Variants in CEP85 observed in about 807,000 individuals in gnomAD.
CEP85 encodes centrosomal protein 85.
Under a neutral mutation model 93.7 loss-of-function variants are expected in CEP85, and 58 were observed. The ratio of observed to expected loss-of-function variants is 0.62; its 90% CI spans 0.50 to 0.77. The LOEUF (loss-of-function observed/expected upper bound fraction) is 0.77, where lower values mean the gene tolerates loss of function less well. Ranked by LOEUF, CEP85 falls within the 30% of genes least tolerant of loss-of-function variation. The pLI is 0.00. For synonymous variants in CEP85, 314 were observed against 338.6 expected (o/e 0.93, Z 0.80); for missense variants, 868 against 922.0 (o/e 0.94, Z 0.76).
rs778848279 is a variant in CEP85, at chr1:26,277,195, G to A, written c.2188G>A (p.Glu730Lys). Residue 730 changes from glutamate (E) to lysine (K), a missense_variant, in exon 14 of 14, where the codon GAA becomes AAA. Glu to Lys is a moderately conservative substitution (Grantham distance 56). Coordinates refer to ENST00000451429, the MANE Select transcript of CEP85 (RefSeq NM_001319944.2). ...QKPDVIKRKLEEVQQLRRDIE... is the reference protein window; with the variant it reads ...QKPDVIKRKLKEVQQLRRDIE... ...GCCAGATGTGATCAAGAGGAAACTA[G>A]AAGAGGTTCAACAGCTGCGTCGTGA... 1 of 1,614,184 alleles carries A rather than the reference G, an allele frequency of 6.2e-7. No homozygotes were observed. The highest frequency in any genetic ancestry group is 1.1e-5 in the South Asian group (1 of 91,082).
intron 1 of CEP85, among the ~76,000 whole-genome samples, 159 bp downstream of exon 1, chr1:26,234,469 C>T (rs567454732): frequency 6.6e-6 from 1 of 152,230 alleles, no homozygotes; most frequent in South Asian, 2.1e-4. Flanking sequence ...CCCCGGCATA[C>T]GCCCTCTCGC....
chr1:26,274,333 C>T (rs887282703), intron 11 of CEP85, among the ~76,000 whole-genome samples: 4 of 152,180 alleles, frequency 2.6e-5, no homozygotes, highest in Non-Finnish European at 5.9e-5. Flanking sequence ...GTTTGGTGTT[C>T]TTCTCAATGC....
At chr1:26,253,291 A>G (rs893169043) in intron 3 of CEP85, among the ~76,000 whole-genome samples, 2 of 151,724 alleles carry the variant, frequency 1.3e-5, no homozygotes, top group Non-Finnish European at 1.5e-5. Context: ...GAGGAGCTAC[A>G]TACTCCATTG....
At chr1:26,274,149 A>T (rs548714323) in intron 11 of CEP85, among the ~76,000 whole-genome samples, 1 of 152,108 alleles carries the variant, frequency 6.6e-6, no homozygotes, top group Admixed American at 6.6e-5. Flanking sequence ...AAGCTTAAAT[A>T]TCTCCCTTCC....
At chr1:26,248,176 G>A (rs1317925761) in intron 3 of CEP85, among the ~76,000 whole-genome samples, 1 of 149,312 alleles carries the variant, frequency 6.7e-6, no homozygotes, top group Non-Finnish European at 1.5e-5. Context: ...TCCTGACTGT[G>A]TAATATTCTA....
In CEP85 at chr1:26,260,907, C is replaced by T. The variant is rs550962851; in HGVS notation, c.1341+1105C>T. 4.0e-5 allele frequency among the ~76,000 whole-genome samples: 6 copies of T among 151,822 alleles called. No homozygotes were observed. The East Asian group carries it at 9.8e-4, about 25-fold the overall frequency. ...CTGGGTTCAAGCGATTCTCCTGCTT[C>T]AGCCTCCCAAGTAGTTGGGATTACA... On this transcript the variant is annotated intron_variant, in intron 7 of 13. Coordinates refer to ENST00000451429, the MANE Select transcript of CEP85 (RefSeq NM_001319944.2).
chr1:26,258,204 A>G lies in CEP85; in HGVS notation c.1099A>G (p.Ser367Gly), dbSNP rs151062684. ...KVRESELQVH[S>G]ALLGRPAPFG... ...GCGAGAGAGCGAACTGCAAGTCCAC[A>G]GTGCCCTCTTGGGCCGCCCTGCCCC... The change falls in exon 6 of 14, where the codon AGT becomes GGT. Residue 367 changes from serine to glycine, a missense_variant. Transcript: ENST00000451429. 7.4e-6 allele frequency: 12 copies of G among 1,614,076 alleles called. No individual in the cohort carries two copies. Among genetic ancestry groups the G allele is most frequent in the African/African-American group, 6.7e-5 (5 of 74,924 alleles).
intron 10 of CEP85, 122 bp downstream of exon 10, chr1:26,271,229 T>G: frequency 1.7e-6 from 1 of 604,672 alleles, no homozygotes; most frequent in South Asian, 2.1e-5. Flanking sequence ...CAAGAGCTTT[T>G]CTTTCTTTTC....
intron 3 of CEP85, among the ~76,000 whole-genome samples, chr1:26,250,928 TTTTC>T (rs1274336280): frequency 0.19 from 2,770 of 14,914 alleles, 406 homozygotes; most frequent in African/African-American, 0.35. Flanking sequence ...TTTTTTTCTT[TTTTC>T]TTTTTTTTTT....
At chr1:26,272,958 G>T (rs1326687583) in intron 11 of CEP85, among the ~76,000 whole-genome samples, 1 of 152,038 alleles carries the variant, frequency 6.6e-6, no homozygotes, top group Admixed American at 6.6e-5. Context: ...GATGTGATGT[G>T]GTCAGGTTTG....
intron 1 of CEP85, among the ~76,000 whole-genome samples, 161 bp downstream of exon 1, chr1:26,234,471 C>T (rs11247878): frequency 0.12 from 18,563 of 152,280 alleles, 1,209 homozygotes; most frequent in Middle Eastern, 0.17. Flanking sequence ...CCGGCATACG[C>T]CCTCTCGCGT....
intron 7 of CEP85, among the ~76,000 whole-genome samples, chr1:26,262,070 G>A (rs909116064): frequency 1.3e-5 from 2 of 152,170 alleles, no homozygotes; most frequent in African/African-American, 4.8e-5. Context: ...CACTTTGGGA[G>A]GCTGAGGAGG....
intron 1 of CEP85, among the ~76,000 whole-genome samples, chr1:26,236,593 T>G (rs545387799): frequency 9.2e-5 from 14 of 152,218 alleles, no homozygotes; most frequent in Non-Finnish European, 2.1e-4. Context: ...GTTTTACTCC[T>G]TACGGGGTTT....
chr1:26,271,238 T>A, intron 10 of CEP85, 131 bp downstream of exon 10: 1 of 586,106 alleles, frequency 1.7e-6, no homozygotes, highest in Non-Finnish European at 3.0e-6. Flanking sequence ...TTCTTTCTTT[T>A]CGGAGAAGTC....
intron 10 of CEP85, 58 bp downstream of exon 10, chr1:26,271,165 T>G: frequency 9.3e-7 from 1 of 1,076,226 alleles, no homozygotes; most frequent in South Asian, 1.3e-5. Context: ...GAGAAGATTG[T>G]GTATTAGGAG....
At chr1:26,249,360 G>A (rs2089568290) in intron 3 of CEP85, among the ~76,000 whole-genome samples, 1 of 152,236 alleles carries the variant, frequency 6.6e-6, no homozygotes, top group South Asian at 2.1e-4. Flanking sequence ...GGGATTATAG[G>A]CGTGAGCCAC....
chr1:26,237,806 G>A lies in CEP85; in HGVS notation c.-22-1956G>A, dbSNP rs367994315. Among the ~76,000 whole-genome samples the A allele has an allele frequency of 1.3e-4, 20 of 152,216 alleles. No individual in the cohort carries two copies. The East Asian group carries it at 1.4e-3, about 10-fold the overall frequency. ...TTAGAAACACCTTAGAATCCAGTGC[G>A]CCTACCATTTTGTTATCCTTTAAAG... On this transcript the variant is annotated intron_variant, in intron 1 of 13. Coordinates refer to ENST00000451429, the MANE Select transcript of CEP85 (RefSeq NM_001319944.2).
At chr1:26,259,014 C>T (rs145553723) in intron 6 of CEP85, among the ~76,000 whole-genome samples, 1 of 152,242 alleles carries the variant, frequency 6.6e-6, no homozygotes, top group East Asian at 1.9e-4. Context: ...CAAGCTTCTG[C>T]AATTTGGGCA....
rs760649539 is a variant in CEP85, at chr1:26,272,069, C to G, written c.1792C>G (p.Gln598Glu). Residue 598 changes from glutamine (Q) to glutamate (E), a missense_variant and splice_region_variant, in exon 11 of 14, where the codon CAG (glutamine) becomes GAG (glutamate). Physicochemically the swap from Gln to Glu is conservative, Grantham distance 29. Coordinates refer to ENST00000451429, the MANE Select transcript of CEP85 (RefSeq NM_001319944.2). ...GATGGATCAGTTGCGCTCACAAGTACAGGTGAGCAGGAATCCTTGGGACAT... is the reference window on the plus strand; with the variant it reads ...GATGGATCAGTTGCGCTCACAAGTAGAGGTGAGCAGGAATCCTTGGGACAT... ...QKMDQLRSQV[Q>E]SLEQEVAQEE... 2 of 1,613,728 alleles carry G rather than the reference C, an allele frequency of 1.2e-6. No homozygotes were observed. The highest frequency in any genetic ancestry group is 1.7e-6 in the Non-Finnish European group (2 of 1,179,716).
Sources: gnomAD v4.1 joint callset for allele counts (sites outside exome capture counted in the v4.1 genomes callset) on GRCh38, gnomAD v4.1.1 for gene constraint, MANE v1.5 for transcripts, NCBI Gene and HGNC (gene_info 2026-07-23, HGNC 2026-07-21) for gene names.